FOXP2: variants seen among roughly 807,000 people sequenced by gnomAD.
FOXP2 encodes the protein forkhead box protein P2.
In FOXP2, 12 loss-of-function variants were observed where a neutral mutation model predicts 115.8. The ratio of observed to expected loss-of-function variants is 0.10; its 90% confidence interval spans 0.07 to 0.17. FOXP2 has a LOEUF of 0.17. Among genes scored for constraint, FOXP2 ranks in the 10% least tolerant of loss-of-function variants. FOXP2 has a pLI of 1.00. For missense variants in FOXP2, 629 were observed against 843.5 expected (o/e 0.75, Z 3.15); for synonymous variants, 328 against 297.7 (o/e 1.10, Z -1.05).
chr7:114,577,158 T>C (rs1182083278), intron 3 of FOXP2, among the ~76,000 whole-genome samples: 1 of 152,022 alleles, frequency 6.6e-6, no homozygotes, highest in Non-Finnish European at 1.5e-5. Flanking sequence ...GTTTATGCAG[T>C]ACTGTATTTA....
intron 3 of FOXP2, among the ~76,000 whole-genome samples, chr7:114,595,368 C>T (rs10253852): frequency 2.0e-5 from 3 of 152,004 alleles, no homozygotes; most frequent in Admixed American, 1.3e-4. Context: ...CTCACTTTAA[C>T]GCAGATCTAA....
rs191248242 is a variant in FOXP2 at position 114,616,238 on chromosome 7, C to G, written c.259-12302C>G. On this transcript the variant is annotated intron_variant, in intron 3 of 16. Coordinates refer to ENST00000350908, the MANE Select transcript of FOXP2 (RefSeq NM_014491.4). ...AGTGCAGTGGCGCAGTCTTGGCTCA[C>G]TGCAACCTCCACCTCCAGGGTTCAA... Among the ~76,000 whole-genome samples, 4 of 151,934 alleles carry G rather than the reference C, an allele frequency of 2.6e-5. No homozygotes were observed. The East Asian group carries it at 7.8e-4, about 29-fold the overall frequency.
At chr7:114,659,329 A>C in intron 11 of FOXP2, 27 bp from the exon 12 acceptor site, 1 of 1,458,822 alleles carries the variant, frequency 6.9e-7, no homozygotes, top group Non-Finnish European at 9.6e-7. Flanking sequence ...TATTAGCAGA[A>C]TTAACACCTA....
chr7:114,354,892 A>C (rs1345033942), intron 2 of FOXP2, among the ~76,000 whole-genome samples: 1 of 152,186 alleles, frequency 6.6e-6, no homozygotes, highest in Admixed American at 6.6e-5. Context: ...AACCACTTTG[A>C]TGTACACATT....
intron 1 of FOXP2, among the ~76,000 whole-genome samples, chr7:114,186,741 G>A (rs952103355): frequency 5.9e-5 from 9 of 152,136 alleles, no homozygotes; most frequent in African/African-American, 2.2e-4. Context: ...TTAATATCTA[G>A]GTGGAGGACA....
chr7:114,371,494 GATAA>G (rs1792006493), intron 2 of FOXP2, among the ~76,000 whole-genome samples: 1 of 151,878 alleles, frequency 6.6e-6, no homozygotes, highest in South Asian at 2.1e-4. Flanking sequence ...CTTTTAAAAA[GATAA>G]ATATATGTAG....
At chr7:114,155,646 A>G (rs1426621175) in intron 1 of FOXP2, among the ~76,000 whole-genome samples, 2 of 152,106 alleles carry the variant, frequency 1.3e-5, no homozygotes, top group African/African-American at 4.8e-5. Context: ...ATGTGGCACG[A>G]AAGTATTTTA....
intron 16 of FOXP2, among the ~76,000 whole-genome samples, chr7:114,684,259 C>G (rs193053216): frequency 2.1e-3 from 313 of 152,242 alleles, no homozygotes; most frequent in African/African-American, 6.4e-3. Context: ...AAGGTTAACC[C>G]AAATGAACCA....
chr7:114,460,680 T>C (rs1300976934), intron 2 of FOXP2, among the ~76,000 whole-genome samples: 1 of 152,230 alleles, frequency 6.6e-6, no homozygotes, highest in Non-Finnish European at 1.5e-5. Flanking sequence ...ATAACATCAG[T>C]TACCTACATT....
At chr7:114,086,427 C>G (rs956607944), upstream of FOXP2, 88 of 344,942 alleles carry the variant, frequency 2.6e-4, 1 homozygote, top group Non-Finnish European at 3.7e-4. Context: ...ACGCCCGCCC[C>G]GGTTATTTAT....
intron 2 of FOXP2, among the ~76,000 whole-genome samples, chr7:114,390,819 A>C (rs1562900375): frequency 6.6e-6 from 1 of 152,008 alleles, no homozygotes; most frequent in Non-Finnish European, 1.5e-5. Flanking sequence ...GGCCCTGCTA[A>C]GTGCTGGAAT....
intron 2 of FOXP2, among the ~76,000 whole-genome samples, chr7:114,401,469 CTT>C (rs1792885679): frequency 6.6e-6 from 1 of 152,134 alleles, no homozygotes; most frequent in Non-Finnish European, 1.5e-5. Context: ...CACTTAATAA[CTT>C]ATTTTCTGCC....
intron 1 of FOXP2, among the ~76,000 whole-genome samples, chr7:114,149,531 A>T (rs1409680178): frequency 2.0e-5 from 3 of 152,108 alleles, no homozygotes; most frequent in Non-Finnish European, 4.4e-5. Flanking sequence ...CTGAGGTCAG[A>T]TTAACATCAG....
chr7:114,307,410 C>A (rs1463602613), intron 2 of FOXP2, among the ~76,000 whole-genome samples: 1 of 152,040 alleles, frequency 6.6e-6, no homozygotes, highest in African/African-American at 2.4e-5. Context: ...TAATGACATG[C>A]ACAATGGACT....
At chr7:114,649,141 A>C (rs944333988) in intron 8 of FOXP2, among the ~76,000 whole-genome samples, 1 of 152,120 alleles carries the variant, frequency 6.6e-6, no homozygotes, top group African/African-American at 2.4e-5. Context: ...CATCAGAAAA[A>C]GTATTATTGT....
At chr7:114,502,205 T>C (rs540598866) in intron 2 of FOXP2, among the ~76,000 whole-genome samples, 9 of 152,240 alleles carry the variant, frequency 5.9e-5, no homozygotes, top group African/African-American at 2.2e-4. Flanking sequence ...ATATCTGTGC[T>C]AATGTTAAGC....
intron 2 of FOXP2, among the ~76,000 whole-genome samples, chr7:114,371,716 C>T (rs1287741664): frequency 1.3e-5 from 2 of 152,016 alleles, no homozygotes; most frequent in Non-Finnish European, 2.9e-5. Context: ...TTTTAATTTT[C>T]TAACTGCCCC....
chr7:114,187,836 G>T (rs565168185), intron 1 of FOXP2, among the ~76,000 whole-genome samples: 1 of 152,098 alleles, frequency 6.6e-6, no homozygotes, highest in Non-Finnish European at 1.5e-5. Context: ...TTAATATCAG[G>T]GTGCCAACCT....
chr7:114,125,997 C>T (rs1791696809), intron 1 of FOXP2, among the ~76,000 whole-genome samples: 1 of 152,046 alleles, frequency 6.6e-6, no homozygotes. Context: ...ATTTAAGAAC[C>T]TACTGCAAGT....
Sources: gnomAD v4.1 joint callset for allele counts (sites outside exome capture counted in the v4.1 genomes callset) on GRCh38, gnomAD v4.1.1 for gene constraint, MANE v1.5 for transcripts, NCBI Gene and HGNC (gene_info 2026-07-23, HGNC 2026-07-21) for gene names.